BTAF1: variants seen among roughly 807,000 people sequenced by gnomAD.
BTAF1 encodes the protein B-TFIID TATA-box binding protein associated factor 1.
BTAF1 carries 38 observed loss-of-function variants against 227.1 expected under a neutral mutation model. The ratio of observed to expected loss-of-function variants is 0.17; its 90% CI spans 0.13 to 0.22. The LOEUF (loss-of-function observed/expected upper bound fraction) is 0.22, where lower values mean the gene tolerates loss of function less well. Ranked by LOEUF, BTAF1 falls within the 10% of genes least tolerant of loss-of-function variation. The probability of loss-of-function intolerance (pLI) is 1.00; values close to 1 mark genes in which losing one functional copy is unlikely to be tolerated. For missense variants in BTAF1, 1,598 were observed against 2,204.0 expected (o/e 0.73, Z 5.51); for synonymous variants, 742 against 751.9 (o/e 0.99, Z 0.21).
chr10:91,944,314 A>G (rs1845217409), intron 4 of BTAF1, among the ~76,000 whole-genome samples: 2 of 152,022 alleles, frequency 1.3e-5, no homozygotes. Context: ...TTAAATGTTG[A>G]TCTGTGTTTG....
intron 19 of BTAF1, among the ~76,000 whole-genome samples, chr10:91,988,886 A>G (rs1219959069): frequency 6.6e-6 from 1 of 152,246 alleles, no homozygotes; most frequent in Non-Finnish European, 1.5e-5. Flanking sequence ...CCTCAAAGTC[A>G]TTTAGACATA....
At chr10:92,000,369 T>C (rs1433101441) in intron 25 of BTAF1, among the ~76,000 whole-genome samples, 1 of 152,214 alleles carries the variant, frequency 6.6e-6, no homozygotes, top group African/African-American at 2.4e-5. Context: ...ACCGCAGTTT[T>C]TGTTTGTTTT....
intron 19 of BTAF1, among the ~76,000 whole-genome samples, chr10:91,988,806 C>T (rs957820347): frequency 2.0e-5 from 3 of 152,164 alleles, no homozygotes; most frequent in Non-Finnish European, 4.4e-5. Flanking sequence ...CCTTCATGAA[C>T]AGTTAGTTTA....
At chr10:91,950,914 C>G (rs973638760) in intron 4 of BTAF1, among the ~76,000 whole-genome samples, 1 of 150,136 alleles carries the variant, frequency 6.7e-6, no homozygotes. Flanking sequence ...CTCACTGCAG[C>G]CTTGACCTGG....
chr10:91,950,200 C>T (rs928800618), intron 4 of BTAF1, among the ~76,000 whole-genome samples: 3 of 151,044 alleles, frequency 2.0e-5, no homozygotes, highest in Admixed American at 2.0e-4. Flanking sequence ...TTAGCTGCCA[C>T]GCATTTCATG....
intron 4 of BTAF1, among the ~76,000 whole-genome samples, 168 bp from the exon 5 acceptor site, chr10:91,951,235 A>G (rs1002366045): frequency 2.6e-5 from 4 of 152,214 alleles, no homozygotes; most frequent in African/African-American, 9.7e-5. Context: ...AGTATTTTCC[A>G]ATGTGATTAG....
At chr10:91,950,637 T>C (rs1845709131) in intron 4 of BTAF1, among the ~76,000 whole-genome samples, 1 of 152,146 alleles carries the variant, frequency 6.6e-6, no homozygotes, top group Admixed American at 6.5e-5. Flanking sequence ...TGTCTACTTT[T>C]ATTCTCTTTA....
chr10:91,999,451 A>G (rs1411849762), intron 25 of BTAF1, among the ~76,000 whole-genome samples: 2 of 152,098 alleles, frequency 1.3e-5, no homozygotes, highest in Non-Finnish European at 2.9e-5. Context: ...CTGGAGTGCA[A>G]TGGCGCGACC....
intron 13 of BTAF1, among the ~76,000 whole-genome samples, chr10:91,966,281 T>C (rs1361495184): frequency 1.3e-5 from 2 of 152,208 alleles, no homozygotes; most frequent in African/African-American, 4.8e-5. Context: ...ATCCTGATCA[T>C]GTAGGCTGAC....
intron 30 of BTAF1, among the ~76,000 whole-genome samples, chr10:92,012,934 G>GT (rs1188638023): frequency 6.6e-6 from 1 of 152,176 alleles, no homozygotes; most frequent in Non-Finnish European, 1.5e-5. Context: ...ATCGGAAGAA[G>GT]TTTTTTGGTT....
intron 3 of BTAF1, 122 bp from the exon 4 acceptor site, chr10:91,942,299 TG>T: frequency 6.5e-5 from 5 of 76,604 alleles, no homozygotes; most frequent in East Asian, 4.6e-4. Flanking sequence ...AAAAAAAGTT[TG>T]TGTGTGTGTG....
chr10:91,961,783 G>C (rs1269941016), intron 11 of BTAF1, among the ~76,000 whole-genome samples: 1 of 152,086 alleles, frequency 6.6e-6, no homozygotes, highest in Non-Finnish European at 1.5e-5. Context: ...AATGTCTGGG[G>C]CCTGGTCTGT....
chr10:91,972,345 C>T (rs759335716), intron 14 of BTAF1, among the ~76,000 whole-genome samples: 65 of 152,256 alleles, frequency 4.3e-4, no homozygotes, highest in Admixed American at 7.8e-4. Context: ...TATCTTTGGA[C>T]ATGGCTCCTT....
rs147901776 is a variant in BTAF1, at chr10:91,976,648, A to G, written c.1651-3806A>G. 1.4e-3 allele frequency among the ~76,000 whole-genome samples: 213 copies of G among 152,230 alleles called. 1 individual carries two copies. The highest frequency in any genetic ancestry group is 4.9e-3 in the African/African-American group (204 of 41,514). On this transcript the variant is annotated intron_variant, in intron 14 of 37. Coordinates refer to ENST00000265990, the MANE Select transcript of BTAF1 (RefSeq NM_003972.3). ...AAGATCAAATACGTTTCTTTTTAAG[A>G]CCCTGGACAAAATGCTGAAAAAAAA...
intron 4 of BTAF1, among the ~76,000 whole-genome samples, chr10:91,947,893 CAG>C (rs72004101): frequency 0.013 from 2,042 of 152,194 alleles, 48 homozygotes; most frequent in African/African-American, 0.045. Flanking sequence ...TTATACTTGA[CAG>C]AATACAAGTT....
At chr10:91,991,854 A>C (rs1589901405) in intron 20 of BTAF1, among the ~76,000 whole-genome samples, 1 of 147,808 alleles carries the variant, frequency 6.8e-6, no homozygotes, top group Admixed American at 6.7e-5. Flanking sequence ...TACACACACA[A>C]ACACATTAAC....
intron 6 of BTAF1, among the ~76,000 whole-genome samples, chr10:91,954,810 G>A (rs1192669500): frequency 1.3e-5 from 2 of 152,016 alleles, no homozygotes; most frequent in Non-Finnish European, 2.9e-5. Flanking sequence ...CTCCTTCCTC[G>A]GCCTCCCAAA....
intron 12 of BTAF1, among the ~76,000 whole-genome samples, chr10:91,963,454 G>C (rs894340411): frequency 1.3e-5 from 2 of 151,784 alleles, no homozygotes; most frequent in African/African-American, 4.8e-5. Flanking sequence ...TTGTAGTGAT[G>C]GGGGAGTCCC....
rs201555888 is a variant in BTAF1 at position 91,952,180 on chromosome 10, G to A, written c.564+614G>A. Among the ~76,000 whole-genome samples, 104 of 143,218 alleles carry A rather than the reference G, an allele frequency of 7.3e-4. 1 individual carries two copies. Among genetic ancestry groups the A allele is most frequent in the South Asian group, 6.1e-3 (27 of 4,414 alleles). The allele number at this position is 143,218 out of a possible 152,430, so 94.0% of individuals were successfully genotyped here. On this transcript the variant is annotated intron_variant, in intron 5 of 37. Coordinates refer to ENST00000265990, the MANE Select transcript of BTAF1 (RefSeq NM_003972.3). ...TGTGTTTGTGTGTGTGTGTGTGTGTGTATATATATATTCCTTTTAAGCCAT... is the reference window on the plus strand; with the variant it reads ...TGTGTTTGTGTGTGTGTGTGTGTGTATATATATATATTCCTTTTAAGCCAT...
Sources: allele counts gnomAD v4.1 joint callset (sites outside exome capture counted in the v4.1 genomes callset), GRCh38; gene constraint gnomAD v4.1.1; transcripts MANE v1.5; gene names NCBI Gene and HGNC (gene_info 2026-07-23, HGNC 2026-07-21).